The following ROBO2 variants were observed in gnomAD, a reference collection of about 807,000 sequenced individuals.
ROBO2 encodes the protein roundabout guidance receptor 2.
A neutral mutation model predicts 160.8 loss-of-function variants in ROBO2; 53 were observed. That is an observed-to-expected ratio of 0.33 (90% CI 0.26 to 0.41). The LOEUF is 0.41. ROBO2 is among the 10% of genes least tolerant of loss of function. ROBO2 has a pLI of 1.00. For synonymous variants in ROBO2, 664 were observed against 611.7 expected, an observed-to-expected ratio of 1.09 and a Z score of -1.26; for missense variants, 1,577 against 1,722.4, an observed-to-expected ratio of 0.92 and a Z score of 1.49.
At chr3:77,423,856 G>A (rs2077936125) in intron 2 of ROBO2, among the ~76,000 whole-genome samples, 1 of 152,126 alleles carries the variant, frequency 6.6e-6, no homozygotes, top group East Asian at 1.9e-4. Context: ...CAGGCTAGAT[G>A]TCATAATGTA....
chr3:77,445,730 CTAAT>C (rs929111890), intron 2 of ROBO2, among the ~76,000 whole-genome samples: 3 of 148,340 alleles, frequency 2.0e-5, no homozygotes, highest in African/African-American at 7.5e-5. Context: ...GTATTTTTGT[CTAAT>C]TAATTGTAGT....
At chr3:76,606,889 G>T (rs1478370000) in intron 2 of ROBO2, among the ~76,000 whole-genome samples, 1 of 151,810 alleles carries the variant, frequency 6.6e-6, no homozygotes, top group African/African-American at 2.4e-5. Context: ...TCATTATGGT[G>T]TGTATTTTGA....
rs139521777 is a variant in ROBO2, at chr3:76,853,237, C to T, written c.110-244777C>T. Among the ~76,000 whole-genome samples the T allele has an allele frequency of 3.7e-4, 57 of 152,012 alleles. 1 individual carries two copies. The highest frequency in any genetic ancestry group is 1.1e-3 in the African/African-American group (47 of 41,490). ...AATATTTCCAGTAATGATAAAAATGCGCCATGATACAAAGTAACTAAAAAA... is the reference window on the plus strand; with the variant it reads ...AATATTTCCAGTAATGATAAAAATGTGCCATGATACAAAGTAACTAAAAAA... On this transcript the variant is annotated intron_variant, in intron 2 of 26. Transcript: ENST00000487694.
rs1225915510 is a variant in ROBO2, at chr3:76,258,149, A to G, written c.109+320547A>G. ...TTGTATTAAGCGTCTTATCAAAACT[A>G]AACACTTTTTTTTTCCAACATAAAA... On this transcript the variant is annotated intron_variant, in intron 2 of 26. Transcript: ENST00000487694. Among the ~76,000 whole-genome samples the G allele has an allele frequency of 2.6e-5, 4 of 152,020 alleles. No individual in the cohort carries two copies. In the East Asian group the frequency reaches 7.7e-4, roughly 29 times the overall value.
At chr3:76,571,647 A>G (rs2084963194) in intron 2 of ROBO2, among the ~76,000 whole-genome samples, 1 of 152,138 alleles carries the variant, frequency 6.6e-6, no homozygotes, top group Admixed American at 6.6e-5. Flanking sequence ...ATGAGTCCCA[A>G]ATTCATATTT....
chr3:77,353,454 G>A (rs1412741333), intron 2 of ROBO2, among the ~76,000 whole-genome samples: 3 of 152,134 alleles, frequency 2.0e-5, no homozygotes, highest in African/African-American at 7.2e-5. Flanking sequence ...ATGTTCAAAG[G>A]ATAAACGTAC....
intron 2 of ROBO2, among the ~76,000 whole-genome samples, chr3:76,345,559 G>A (rs1156853975): frequency 6.7e-6 from 1 of 150,304 alleles, no homozygotes; most frequent in African/African-American, 2.4e-5. Context: ...TTCCCTAGCT[G>A]TGATCTGATG....
chr3:77,154,453 G>A (rs1489008639), intron 2 of ROBO2, among the ~76,000 whole-genome samples: 7 of 152,130 alleles, frequency 4.6e-5, no homozygotes, highest in African/African-American at 1.4e-4. Context: ...AAGTAGTTTG[G>A]TGGTTTTGGA....
chr3:76,187,553 C>T lies in ROBO2; in HGVS notation c.109+249951C>T, dbSNP rs561068368. On this transcript the variant is annotated intron_variant, in intron 2 of 26. Transcript: ENST00000487694. ...CCTCACAAAGTTCTGGGATTAAAGG[C>T]ATGAGACACCATGCCTGGCCAAATT... 2.8e-4 allele frequency among the ~76,000 whole-genome samples: 42 copies of T among 152,230 alleles called. No individual in the cohort carries two copies. In the East Asian group the frequency reaches 4.6e-3, roughly 17 times the overall value.
chr3:76,821,057 G>A (rs1017691303), intron 2 of ROBO2, among the ~76,000 whole-genome samples: 3 of 151,864 alleles, frequency 2.0e-5, no homozygotes, highest in Admixed American at 1.3e-4. Flanking sequence ...TTATTTGAAG[G>A]TGTAATTGTA....
chr3:77,197,984 G>T (rs949987799), intron 2 of ROBO2, among the ~76,000 whole-genome samples: 1 of 152,164 alleles, frequency 6.6e-6, no homozygotes, highest in Non-Finnish European at 1.5e-5. Context: ...CCAGGCCCTA[G>T]CTAGAATGCC....
At chr3:76,654,786 A>G (rs538778140) in intron 2 of ROBO2, among the ~76,000 whole-genome samples, 1 of 151,842 alleles carries the variant, frequency 6.6e-6, no homozygotes, top group Non-Finnish European at 1.5e-5. Context: ...TTGTGCTAGT[A>G]GTATAAATGA....
intron 2 of ROBO2, among the ~76,000 whole-genome samples, chr3:77,417,733 G>C (rs959983434): frequency 2.6e-5 from 4 of 151,956 alleles, no homozygotes; most frequent in Non-Finnish European, 5.9e-5. Flanking sequence ...TCATTACACT[G>C]TCATAGTGTT....
intron 2 of ROBO2, among the ~76,000 whole-genome samples, chr3:76,110,069 A>G (rs1384469839): frequency 1.3e-5 from 2 of 151,306 alleles, no homozygotes; most frequent in African/African-American, 4.8e-5. Context: ...ATATATATAT[A>G]TATAAAAGCT....
chr3:75,978,116 A>G (rs182511750), intron 2 of ROBO2, among the ~76,000 whole-genome samples: 117 of 151,722 alleles, frequency 7.7e-4, no homozygotes, highest in Admixed American at 1.6e-3. Context: ...TTCAGTAGAT[A>G]TTAAATTTTA....
At chr3:76,259,454 T>C (rs994002086) in intron 2 of ROBO2, among the ~76,000 whole-genome samples, 7 of 152,124 alleles carry the variant, frequency 4.6e-5, no homozygotes. Flanking sequence ...CAAATACTTA[T>C]TTGGATTTAT....
At chr3:76,533,220 T>C (rs2082319117) in intron 2 of ROBO2, among the ~76,000 whole-genome samples, 1 of 152,160 alleles carries the variant, frequency 6.6e-6, no homozygotes, top group African/African-American at 2.4e-5. Context: ...AATACCAGCA[T>C]GTTAGGATGT....
rs914999738 is a variant in ROBO2 at position 76,436,555 on chromosome 3, C to CT, written c.109+498963dup. Among the ~76,000 whole-genome samples the CT allele has an allele frequency of 6.4e-4, 96 of 148,850 alleles. 1 individual carries two copies. Among genetic ancestry groups the CT allele is most frequent in the Admixed American group, 5.0e-3 (74 of 14,824 alleles). The stretch of plus-strand genomic sequence containing the variant: ...GACAAACACTTACCAAAATAGGCAA[C>CT]TTTTTTTTTTGGTGGGAAGAGAGAT... On this transcript the variant is annotated intron_variant, in intron 2 of 26. Coordinates refer to the ROBO2 transcript ENST00000487694.
At chr3:75,928,142 G>T (rs1028070491) in intron 1 of ROBO2, among the ~76,000 whole-genome samples, 2 of 151,746 alleles carry the variant, frequency 1.3e-5, no homozygotes, top group Non-Finnish European at 2.9e-5. Flanking sequence ...GAGCCACCAC[G>T]CCCGGCTTAT....
Sources: gnomAD v4.1 joint callset for allele counts (sites outside exome capture counted in the v4.1 genomes callset) on GRCh38, gnomAD v4.1.1 for gene constraint, MANE v1.5 for transcripts, NCBI Gene and HGNC (gene_info 2026-07-23, HGNC 2026-07-21) for gene names.